TMPRSS11A: variants seen among roughly 807,000 people sequenced by gnomAD.
TMPRSS11A encodes the protein transmembrane protease serine 11A.
A neutral mutation model predicts 58.9 loss-of-function variants in TMPRSS11A; 53 were observed. The observed-to-expected ratio is 0.90, with a 90% CI of 0.72 to 1.13. The LOEUF (loss-of-function observed/expected upper bound fraction) is 1.13. Among genes scored for constraint, TMPRSS11A ranks in the 50% most tolerant of loss-of-function variants. The probability of loss-of-function intolerance (pLI) is 0.00; values close to 1 mark genes in which losing one functional copy is unlikely to be tolerated. For synonymous variants in TMPRSS11A, 167 were observed against 169.8 expected, an observed-to-expected ratio of 0.98 and a Z score of 0.13; for missense variants, 493 against 499.3, an observed-to-expected ratio of 0.99 and a Z score of 0.12.
chr4:67,962,275 A>G (rs1478022606), intron 1 of TMPRSS11A, among the ~76,000 whole-genome samples: 1 of 152,126 alleles, frequency 6.6e-6, no homozygotes, highest in Non-Finnish European at 1.5e-5. Flanking sequence ...TTACTGAAGG[A>G]CTGATGCAAA....
intron 5 of TMPRSS11A, among the ~76,000 whole-genome samples, chr4:67,928,480 G>C (rs1209849541): frequency 6.6e-6 from 1 of 152,210 alleles, no homozygotes; most frequent in Non-Finnish European, 1.5e-5. Flanking sequence ...AACAATTTAT[G>C]CTTTACTCTG....
chr4:67,942,743 T>C (rs6839109), intron 3 of TMPRSS11A, among the ~76,000 whole-genome samples: 7,591 of 152,204 alleles, frequency 0.05, 493 homozygotes, highest in African/African-American at 0.15. Flanking sequence ...AGTACTTGCA[T>C]AGGTCTATAA....
chr4:67,950,514 G>A (rs780802162), intron 1 of TMPRSS11A, among the ~76,000 whole-genome samples: 4 of 152,116 alleles, frequency 2.6e-5, no homozygotes, highest in Non-Finnish European at 5.9e-5. Flanking sequence ...CAATTGATTC[G>A]GGAACTTTAT....
chr4:67,953,709 A>G (rs1721215987), intron 1 of TMPRSS11A, among the ~76,000 whole-genome samples: 1 of 152,152 alleles, frequency 6.6e-6, no homozygotes, highest in Admixed American at 6.6e-5. Context: ...GAGGCAGGAG[A>G]ATTGCTTGGA....
intron 1 of TMPRSS11A, among the ~76,000 whole-genome samples, chr4:67,955,864 C>A (rs12502874): frequency 0.18 from 26,642 of 152,054 alleles, 2,706 homozygotes; most frequent in Admixed American, 0.31. Context: ...AACTTATTTT[C>A]TGTAAATATT....
chr4:67,930,131 C>G, intron 4 of TMPRSS11A, 91 bp from the exon 5 acceptor site: 1 of 1,230,424 alleles, frequency 8.1e-7, no homozygotes, highest in Non-Finnish European at 1.1e-6. Context: ...TGAATGATCC[C>G]TCAGTTGCTG....
intron 8 of TMPRSS11A, among the ~76,000 whole-genome samples, chr4:67,917,957 T>C (rs1001075196): frequency 6.6e-6 from 1 of 152,126 alleles, no homozygotes; most frequent in African/African-American, 2.4e-5. Flanking sequence ...AAGAAAGCAA[T>C]GCATGTCTCA....
intron 1 of TMPRSS11A, among the ~76,000 whole-genome samples, chr4:67,947,687 C>T (rs917340419): frequency 2.0e-5 from 3 of 152,196 alleles, no homozygotes; most frequent in Non-Finnish European, 4.4e-5. Flanking sequence ...AAAAATAACT[C>T]TTTGCTGTTC....
In TMPRSS11A at chr4:67,932,034, G is replaced by T. The variant is rs774646570; in HGVS notation, c.279C>A (p.Ala93=). 1 of 1,599,656 alleles carries T rather than the reference G, an allele frequency of 6.3e-7. No individual in the cohort carries two copies. The highest frequency in any genetic ancestry group is 2.2e-5 in the East Asian group (1 of 44,820). ...GGTTCTTGATATAATTTTTCTTCCA[G>T]GCTGAATCTATAAATATCTCATCCA... ...NLVDEIFIDS[A]WKKNYIKNQV... is the part of the protein sequence containing the mutation. The change falls in exon 4 of 10, where the codon GCC becomes GCA. Residue 93 remains alanine, a synonymous_variant. Coordinates refer to ENST00000508048, the MANE Select transcript of TMPRSS11A (RefSeq NM_001114387.2).
chr4:67,924,977 T>C (rs1720428286), intron 5 of TMPRSS11A, among the ~76,000 whole-genome samples: 1 of 150,074 alleles, frequency 6.7e-6, no homozygotes, highest in Non-Finnish European at 1.5e-5. Flanking sequence ...ATAAATCTTT[T>C]TTTTTTTTTT....
intron 1 of TMPRSS11A, among the ~76,000 whole-genome samples, chr4:67,961,592 C>A (rs536667397): frequency 3.6e-5 from 5 of 138,162 alleles, no homozygotes; most frequent in African/African-American, 8.5e-5. Context: ...CTCACTGCAA[C>A]CTCCGACTCC....
intron 2 of TMPRSS11A, among the ~76,000 whole-genome samples, chr4:67,944,998 C>T (rs778004270): frequency 5.3e-5 from 8 of 152,152 alleles, no homozygotes; most frequent in Non-Finnish European, 1.2e-4. Context: ...TCCAGTCTAG[C>T]TGTAGAGCTT....
At chr4:67,945,491 C>G (rs1171830674) in intron 2 of TMPRSS11A, among the ~76,000 whole-genome samples, 1 of 152,152 alleles carries the variant, frequency 6.6e-6, no homozygotes, top group African/African-American at 2.4e-5. Context: ...ATTACTTACC[C>G]ATATAATCCA....
At chr4:67,937,561 G>A (rs961048305) in intron 3 of TMPRSS11A, among the ~76,000 whole-genome samples, 3 of 152,112 alleles carry the variant, frequency 2.0e-5, no homozygotes, top group Non-Finnish European at 4.4e-5. Flanking sequence ...AGTGGAAAGA[G>A]CACATGTGTG....
At chr4:67,920,422 T>C (rs1720287715) in intron 7 of TMPRSS11A, among the ~76,000 whole-genome samples, 1 of 151,418 alleles carries the variant, frequency 6.6e-6, no homozygotes, top group Admixed American at 6.6e-5. Context: ...TATTTAGTTA[T>C]TGGAAGCATA....
At chr4:67,911,597 A>G (rs1192890602) in intron 9 of TMPRSS11A, 94 bp from the exon 10 acceptor site, 1 of 969,390 alleles carries the variant, frequency 1.0e-6, no homozygotes, top group African/African-American at 1.7e-5. Flanking sequence ...TTTTGTTACT[A>G]GACAGTACAT....
intron 1 of TMPRSS11A, among the ~76,000 whole-genome samples, chr4:67,952,227 G>C (rs1480281431): frequency 6.6e-6 from 1 of 152,170 alleles, no homozygotes; most frequent in African/African-American, 2.4e-5. Flanking sequence ...GCAATAACTT[G>C]CTCAATTCAT....
Position 67,926,794 on chromosome 4 carries a change from C to T in TMPRSS11A, c.482-2628G>A, listed in dbSNP as rs926212205. Among the ~76,000 whole-genome samples, 6 of 152,064 alleles carry T rather than the reference C, an allele frequency of 3.9e-5. No homozygotes were observed. The South Asian group carries it at 6.2e-4, about 16-fold the overall frequency. On this transcript the variant is annotated intron_variant, in intron 5 of 9. Coordinates refer to ENST00000508048, the MANE Select transcript of TMPRSS11A (RefSeq NM_001114387.2). The stretch of plus-strand genomic sequence containing the variant: ...GGTGGGGGAGCAGCTTGGTCAGGCA[C>T]GGAGGGGTGGGCAGAGAGGTGCTGG...
Position 67,914,581 on chromosome 4 carries a change from A to T in TMPRSS11A, c.1095+7T>A. Reference sequence around the variant, plus strand: ...GTTAGTAATATAAAAAAATCCCTCCAACTTACCCTGCAGGCATCATAAATT... The same window carrying T: ...GTTAGTAATATAAAAAAATCCCTCCTACTTACCCTGCAGGCATCATAAATT... On this transcript the variant is annotated splice_region_variant and intron_variant, in intron 9 of 9. Coordinates refer to ENST00000508048, the MANE Select transcript of TMPRSS11A (RefSeq NM_001114387.2). 1 of 1,612,694 alleles carries T rather than the reference A, an allele frequency of 6.2e-7. No individual in the cohort carries two copies.
Sources: gnomAD v4.1 joint callset for allele counts (sites outside exome capture counted in the v4.1 genomes callset) on GRCh38, gnomAD v4.1.1 for gene constraint, MANE v1.5 for transcripts, NCBI Gene and HGNC (gene_info 2026-07-23, HGNC 2026-07-21) for gene names.